Variants in PCDHB1 observed in about 807,000 individuals in gnomAD.
The protein encoded by PCDHB1 is protocadherin beta-1.
PCDHB1 carries 44 observed loss-of-function variants against 43.5 expected under a neutral mutation model. That is an observed-to-expected ratio of 1.01 (90% confidence interval 0.79 to 1.30). The LOEUF (loss-of-function observed/expected upper bound fraction) is 1.30. Among genes scored for constraint, PCDHB1 ranks in the 50% most tolerant of loss-of-function variants. PCDHB1 has a pLI of 0.00. For synonymous variants in PCDHB1, 392 were observed against 400.8 expected (o/e 0.98, Z 0.26); for missense variants, 919 against 1,008.9 (o/e 0.91, Z 1.21).
In PCDHB1 at chr5:141,056,709, A is replaced by T. The variant is rs1242466169; in HGVS notation, c.*2782A>T. ...AAACTCCGTCTCCTGGGTTCAAGTG[A>T]TCTTCCTGCCTCAGCCTCCTGAGTA... On this transcript the variant is annotated 3_prime_UTR_variant, in exon 1 of 1. Transcript: ENST00000306549. The T allele has an allele frequency of 1.3e-5, 2 of 152,340 alleles. No homozygotes were observed. The highest frequency in any genetic ancestry group is 4.8e-5 in the African/African-American group (2 of 41,548). 9.4% of individuals were successfully genotyped at this position (152,340 alleles called of 1,614,324 possible). A position where few individuals can be genotyped will look rare whatever the true frequency, so the allele number is the denominator to read the frequency against.
In PCDHB1 at chr5:141,056,848, T is replaced by TG; in HGVS notation, c.*2922dup. 1 of 152,256 alleles carries TG rather than the reference T, an allele frequency of 6.6e-6. No homozygotes were observed. Among genetic ancestry groups the TG allele is most frequent in the East Asian group, 1.9e-4 (1 of 5,192 alleles). The allele number at this position is 152,256 out of a possible 1,614,324, so 9.4% of individuals were successfully genotyped here. ...GTTGGCCAGGCTGGTCTCGAGCTCC[T>TG]GATCTCAGGTGATCCACCCGCCTTG... is the stretch of plus-strand genomic sequence containing the variant. On this transcript the variant is annotated 3_prime_UTR_variant, in exon 1 of 1. Coordinates refer to ENST00000306549, the MANE Select transcript of PCDHB1 (RefSeq NM_013340.4).
chr5:141,057,202 C>T lies in PCDHB1; in HGVS notation c.*3275C>T, dbSNP rs1751150837. ...ACATTAAATGAGATAAAATCTACCA[C>T]TTCACGCCACCATTATTCCATAAAC... On this transcript the variant is annotated 3_prime_UTR_variant, in exon 1 of 1. Transcript: ENST00000306549. The T allele has an allele frequency of 6.6e-6, 1 of 152,096 alleles. No homozygotes were observed. Among genetic ancestry groups the T allele is most frequent in the Non-Finnish European group, 1.5e-5 (1 of 68,008 alleles). 9.4% of individuals were successfully genotyped at this position (152,096 alleles called of 1,614,324 possible).
At position 141,057,379 on chromosome 5, in the gene PCDHB1, T is replaced by TA. The variant is rs1318413428; in HGVS notation, c.*3457dup. ...CAACATGGTGAAACCATGTCTCTAT[T>TA]AAAAATACAAAAATTAGCTGGGTGT... On this transcript the variant is annotated 3_prime_UTR_variant, in exon 1 of 1. Transcript: ENST00000306549. 3 of 151,248 alleles carry TA rather than the reference T, an allele frequency of 2.0e-5. No homozygotes were observed. In the East Asian group the frequency reaches 5.9e-4, roughly 30 times the overall value. The allele number at this position is 151,248 out of a possible 1,614,324, so 9.4% of individuals were successfully genotyped here. A position where few individuals can be genotyped will look rare whatever the true frequency, so the allele number is the denominator to read the frequency against.
chr5:141,052,404 A>T lies in PCDHB1; in HGVS notation c.934A>T (p.Ile312Phe). 1.9e-6 allele frequency: 3 copies of T among 1,614,234 alleles called. No homozygotes were observed. The highest frequency in any genetic ancestry group is 2.5e-6 in the Non-Finnish European group (3 of 1,180,032). The change falls in exon 1 of 1, where the codon ATT becomes TTT. Residue 312 changes from isoleucine to phenylalanine, a missense_variant. Transcript: ENST00000306549. ...AAGAGGACCCCTCGATTTTGAAGCC[A>T]TTGAAACATACGACATTGACATTCA... ...RLRGPLDFEA[I>F]ETYDIDIQAT...
rs1751042213 is a variant in PCDHB1, at chr5:141,053,263, GTCA to G, written c.1794_1796del (p.Gln599del). Reference sequence around the variant, plus strand: ...GTGGTGGCTGTGGATGGTGACTCAGGTCAGAATTCTTGGCTTTCATATCATCTA... The same window carrying G: ...GTGGTGGCTGTGGATGGTGACTCAGGGAATTCTTGGCTTTCATATCATCTA... On this transcript the variant is annotated inframe_deletion, in exon 1 of 1. Coordinates refer to ENST00000306549, the MANE Select transcript of PCDHB1 (RefSeq NM_013340.4). 6.2e-7 allele frequency: 1 copy of G among 1,614,106 alleles called. No homozygotes were observed. The highest frequency in any genetic ancestry group is 1.3e-5 in the African/African-American group (1 of 74,942).
In PCDHB1 at chr5:141,055,725, T is replaced by G. The variant is rs1751119694; in HGVS notation, c.*1798T>G. 6.6e-6 allele frequency: 1 copy of G among 152,244 alleles called. No homozygotes were observed. The highest frequency in any genetic ancestry group is 2.4e-5 in the African/African-American group (1 of 41,462). 9.4% of individuals were successfully genotyped at this position (152,244 alleles called of 1,614,324 possible). On this transcript the variant is annotated 3_prime_UTR_variant, in exon 1 of 1. Transcript: ENST00000306549. The stretch of plus-strand genomic sequence containing the variant: ...CATGCAAACTGAGAAAAAGTGGCAT[T>G]TTTAGTAAATCATTCATAAAATGAA...
Position 141,052,228 on chromosome 5 carries a change from A to G in PCDHB1, c.758A>G (p.Glu253Gly). The change falls in exon 1 of 1, where the codon GAG becomes GGG. Residue 253 changes from glutamate to glycine, a missense_variant. Transcript: ENST00000306549. ...CTGGTGTACAGAGCCCAGGTATCAG[A>G]GAACAGCCCCAATGGCTCTTTGGTG... ...SRLVYRAQVSENSPNGSLVAT... is the reference protein window; with the variant it reads ...SRLVYRAQVSGNSPNGSLVAT... 1 of 1,614,198 alleles carries G rather than the reference A, an allele frequency of 6.2e-7. No homozygotes were observed. The highest frequency in any genetic ancestry group is 2.2e-5 in the East Asian group (1 of 44,870).
rs190946862 is a variant in PCDHB1 at position 141,054,137 on chromosome 5, T to C, written c.*210T>C. The C allele has an allele frequency of 3.1e-4, 153 of 495,082 alleles. No homozygotes were observed. Among genetic ancestry groups the C allele is most frequent in the Middle Eastern group, 2.1e-3 (4 of 1,876 alleles). The allele number at this position is 495,082 out of a possible 1,614,324, so 30.7% of individuals were successfully genotyped here. On this transcript the variant is annotated 3_prime_UTR_variant, in exon 1 of 1. Coordinates refer to ENST00000306549, the MANE Select transcript of PCDHB1 (RefSeq NM_013340.4). ...TCCTGATCCCCAGATCATATATCTATAACCCTTTCTCCAGTTGGAATTCTG... is the reference window on the plus strand; with the variant it reads ...TCCTGATCCCCAGATCATATATCTACAACCCTTTCTCCAGTTGGAATTCTG...
chr5:141,053,765 TAGTG>T lies in PCDHB1; in HGVS notation c.2299_2302del (p.Glu767PhefsTer20). 6.2e-7 allele frequency: 1 copy of T among 1,614,174 alleles called. No individual in the cohort carries two copies. Among genetic ancestry groups the T allele is most frequent in the African/African-American group, 1.3e-5 (1 of 75,046 alleles). The stretch of plus-strand genomic sequence containing the variant: ...TGTGTTCAGCCACTGGCACTGGTAA[TAGTG>T]AGTTTCGCTTTCTTAAGCGTTTTAT... On this transcript the variant is annotated frameshift_variant, in exon 1 of 1. Coordinates refer to ENST00000306549, the MANE Select transcript of PCDHB1 (RefSeq NM_013340.4). LOFTEE classifies it high-confidence loss of function.
Position 141,053,169 on chromosome 5 carries a change from C to T in PCDHB1, c.1699C>T (p.Gln567Ter). The change falls in exon 1 of 1, where the codon CAG becomes TAG. Residue 567 changes from glutamine (Q) to a stop codon, truncating the protein, a stop_gained. Transcript: ENST00000306549. LOFTEE classifies it high-confidence loss of function. ...DNRPMILYPL[Q>*]NGTLPCNDLV... ...TCGTCCAATGATCTTATACCCACTG[C>T]AGAACGGCACCTTGCCCTGCAATGA... 6.2e-7 allele frequency: 1 copy of T among 1,614,188 alleles called. No homozygotes were observed. The highest frequency in any genetic ancestry group is 8.5e-7 in the Non-Finnish European group (1 of 1,180,040).
Position 141,052,088 on chromosome 5 carries a change from T to C in PCDHB1, c.618T>C (p.Pro206=), listed in dbSNP as rs554057381. The change falls in exon 1 of 1, where the codon CCT becomes CCC. Residue 206 remains proline, a synonymous_variant. Transcript: ENST00000306549. ...AACCCCTGGACCGAGAGGAGCAGCC[T>C]GAAGTCAACTTGACAATTACGGCGG... is the stretch of plus-strand genomic sequence containing the variant. ...LNKPLDREEQ[P]EVNLTITAVD... is the part of the protein sequence containing the mutation. 10 of 1,614,092 alleles carry C rather than the reference T, an allele frequency of 6.2e-6. No homozygotes were observed. In the South Asian group the frequency reaches 1.1e-4, roughly 18 times the overall value.
In PCDHB1 at chr5:141,053,004, G is replaced by T; in HGVS notation, c.1534G>T (p.Gly512Trp). Residue 512 changes from glycine to tryptophan, a missense_variant, in exon 1 of 1, where the codon GGG (glycine) becomes TGG (tryptophan). Transcript: ENST00000306549. ...TTACATATCCATAAATTCAGGCAAT[G>T]GGAAGCTCTACGCGCTGAGAACCAT... Reference protein sequence around the residue: ...FAYISINSGNGKLYALRTMDY... With the variant: ...FAYISINSGNWKLYALRTMDY... 6.2e-7 allele frequency: 1 copy of T among 1,614,180 alleles called. No homozygotes were observed. The highest frequency in any genetic ancestry group is 8.5e-7 in the Non-Finnish European group (1 of 1,180,040).
At position 141,057,802 on chromosome 5, in the gene PCDHB1, T is replaced by C. The variant is rs1424647556; in HGVS notation, c.*3875T>C. The C allele has an allele frequency of 6.6e-6, 1 of 152,154 alleles. No homozygotes were observed. Among genetic ancestry groups the C allele is most frequent in the Non-Finnish European group, 1.5e-5 (1 of 68,006 alleles). The allele number at this position is 152,154 out of a possible 1,614,324, so 9.4% of individuals were successfully genotyped here. On this transcript the variant is annotated 3_prime_UTR_variant, in exon 1 of 1. Transcript: ENST00000306549. ...ATTCACTGAATGTGAAGTAGGCCAC[T>C]TGTTTTTGGAGAGAACTCTGTACAC...
chr5:141,057,540 C>CAAAAAAAAAAAAAAAAAAGAAAAAAA lies in PCDHB1; in HGVS notation c.*3614_*3639dup, dbSNP rs1751159239. The stretch of plus-strand genomic sequence containing the variant: ...CTGGCGACAAAGCAAGACTCTGTCT[C>CAAAAAAAAAAAAAAAAAAGAAAAAAA]AAAAAAAAAAAAAAAAAAGAAAAAA... On this transcript the variant is annotated 3_prime_UTR_variant, in exon 1 of 1. Coordinates refer to ENST00000306549, the MANE Select transcript of PCDHB1 (RefSeq NM_013340.4). 1 of 72,334 alleles carries CAAAAAAAAAAAAAAAAAAGAAAAAAA rather than the reference C, an allele frequency of 1.4e-5. No individual in the cohort carries two copies. The highest frequency in any genetic ancestry group is 2.8e-5 in the Non-Finnish European group (1 of 35,630). 4.5% of individuals were successfully genotyped at this position (72,334 alleles called of 1,614,324 possible). A position where few individuals can be genotyped will look rare whatever the true frequency, so the allele number is the denominator to read the frequency against.
Position 141,053,116 on chromosome 5 carries a change from G to A in PCDHB1, c.1646G>A (p.Arg549Lys), listed in dbSNP as rs186168843. Residue 549 changes from arginine (R) to lysine (K), a missense_variant, in exon 1 of 1, where the codon AGA becomes AAA. By Grantham distance (26) the Arg-to-Lys change is conservative. Coordinates refer to ENST00000306549, the MANE Select transcript of PCDHB1 (RefSeq NM_013340.4). ...FLSLSSQVTV[R>K]VVVLDDNDNR... ...TCACTGAGTAGCCAAGTTACTGTCAGAGTGGTTGTCCTAGATGACAATGAC... is the reference window on the plus strand; with the variant it reads ...TCACTGAGTAGCCAAGTTACTGTCAAAGTGGTTGTCCTAGATGACAATGAC... The A allele has an allele frequency of 6.2e-7, 1 of 1,614,184 alleles. No homozygotes were observed. The highest frequency in any genetic ancestry group is 1.3e-5 in the African/African-American group (1 of 75,052).
rs782356205 is a variant in PCDHB1 at position 141,052,849 on chromosome 5, C to A, written c.1379C>A (p.Thr460Asn). The A allele has an allele frequency of 6.2e-7, 1 of 1,614,174 alleles. No homozygotes were observed. ...TTTCGGGAAGATTCCTATATCTTGA[C>A]TGTTCGAGAAAACAACAGTCCTGCG... is the stretch of plus-strand genomic sequence containing the variant. ...PIFREDSYIL[T>N]VRENNSPAVF... The change falls in exon 1 of 1, where the codon ACT becomes AAT. Residue 460 changes from threonine to asparagine, a missense_variant. By Grantham distance (65) the Thr-to-Asn change is moderately conservative. Coordinates refer to ENST00000306549, the MANE Select transcript of PCDHB1 (RefSeq NM_013340.4).
rs1322914800 is a variant in PCDHB1 at position 141,051,658 on chromosome 5, G to C, written c.188G>C (p.Gly63Ala). Reference sequence around the variant, plus strand: ...GAGGTAGGGAAGCTGGCTGCGCGCGGGGCGCGGCTGGTTTCCGAGGGCAAC... The same window carrying C: ...GAGGTAGGGAAGCTGGCTGCGCGCGCGGCGCGGCTGGTTTCCGAGGGCAAC... Reference protein sequence around the residue: ...GLEVGKLAARGARLVSEGNKM... With the variant: ...GLEVGKLAARAARLVSEGNKM... Residue 63 changes from glycine (G) to alanine (A), a missense_variant, in exon 1 of 1, where the codon GGG (glycine) becomes GCG (alanine). Gly to Ala is a moderately conservative substitution (Grantham distance 60). Coordinates refer to ENST00000306549, the MANE Select transcript of PCDHB1 (RefSeq NM_013340.4). 4 of 1,614,246 alleles carry C rather than the reference G, an allele frequency of 2.5e-6. No individual in the cohort carries two copies. The highest frequency in any genetic ancestry group is 1.3e-5 in the African/African-American group (1 of 75,070).
At position 141,052,910 on chromosome 5, in the gene PCDHB1, T is replaced by C. The variant is rs372438893; in HGVS notation, c.1440T>C (p.Asp480=). The part of the protein sequence containing the change: ...FIGKVHAEDL[D]LGENAQITYS... ...GCAAAGTCCATGCTGAGGATCTTGA[T>C]TTGGGTGAGAATGCCCAAATAACAT... The change falls in exon 1 of 1, where the codon GAT becomes GAC. Residue 480 remains aspartate, a synonymous_variant. Coordinates refer to ENST00000306549, the MANE Select transcript of PCDHB1 (RefSeq NM_013340.4). 42 of 1,614,066 alleles carry C rather than the reference T, an allele frequency of 2.6e-5. No homozygotes were observed. Among genetic ancestry groups the C allele is most frequent in the East Asian group, 2.0e-4 (9 of 44,898 alleles).
rs1554267956 is a variant in PCDHB1 at position 141,057,950 on chromosome 5, A to C, written c.*4023A>C. 1 of 152,224 alleles carries C rather than the reference A, an allele frequency of 6.6e-6. No individual in the cohort carries two copies. 9.4% of individuals were successfully genotyped at this position (152,224 alleles called of 1,614,324 possible). The stretch of plus-strand genomic sequence containing the variant: ...ACTATTTCTATGTATTCAAAGCTAT[A>C]ACCTAAGAACCTTGAAAAGTGTCTT... On this transcript the variant is annotated 3_prime_UTR_variant, in exon 1 of 1. Transcript: ENST00000306549.
Sources: allele counts gnomAD v4.1 joint callset, GRCh38; gene constraint gnomAD v4.1.1; transcripts MANE v1.5; gene names NCBI Gene and HGNC (gene_info 2026-07-23, HGNC 2026-07-21).